TRPS1: variants seen among roughly 807,000 people sequenced by gnomAD.
TRPS1 encodes the protein zinc finger transcription factor Trps1.
A neutral mutation model predicts 101.2 loss-of-function variants in TRPS1; 6 were observed. The observed-to-expected ratio is 0.06, with a 90% confidence interval of 0.03 to 0.12. The LOEUF (loss-of-function observed/expected upper bound fraction) is 0.12, where lower values mean the gene tolerates loss of function less well. Ranked by LOEUF, TRPS1 falls within the 10% of genes least tolerant of loss-of-function variation. The pLI is 1.00. For missense variants in TRPS1, 1,363 were observed against 1,567.0 expected, an observed-to-expected ratio of 0.87 and a Z score of 2.20; for synonymous variants, 578 against 589.8, an observed-to-expected ratio of 0.98 and a Z score of 0.29.
intron 5 of TRPS1, among the ~76,000 whole-genome samples, chr8:115,437,133 T>C (rs968075524): frequency 3.3e-5 from 5 of 152,314 alleles, no homozygotes; most frequent in Middle Eastern, 3.4e-3. Flanking sequence ...TATCTACACT[T>C]CTCATGTAAC....
chr8:115,607,910 A>G (rs992427217), intron 3 of TRPS1, among the ~76,000 whole-genome samples: 2 of 152,138 alleles, frequency 1.3e-5, no homozygotes, highest in African/African-American at 4.8e-5. Flanking sequence ...AGGAGACACT[A>G]CTGGTGTCTA....
At chr8:115,565,075 C>T (rs1817035096) in intron 5 of TRPS1, among the ~76,000 whole-genome samples, 1 of 152,034 alleles carries the variant, frequency 6.6e-6, no homozygotes, top group African/African-American at 2.4e-5. Flanking sequence ...CATGTTACTG[C>T]CCCGTGGGAA....
rs192295511 is a variant in TRPS1 at position 115,444,390 on chromosome 8, C to T, written c.2701-25938G>A. 3.3e-5 allele frequency among the ~76,000 whole-genome samples: 5 copies of T among 152,296 alleles called. No homozygotes were observed. The East Asian group carries it at 5.8e-4, about 18-fold the overall frequency. On this transcript the variant is annotated intron_variant, in intron 5 of 6. Coordinates refer to ENST00000395715, the MANE Select transcript of TRPS1 (RefSeq NM_014112.5). The stretch of plus-strand genomic sequence containing the variant: ...ATAGAACAGGTGCTCAATACATTTT[C>T]GTTAAATAAATAAATGAAGAGTGAA...
chr8:115,535,983 AG>A (rs1816310035), intron 5 of TRPS1, among the ~76,000 whole-genome samples: 1 of 152,102 alleles, frequency 6.6e-6, no homozygotes, highest in African/African-American at 2.4e-5. Context: ...CACTCAAGAA[AG>A]CTACCATTTT....
intron 1 of TRPS1, among the ~76,000 whole-genome samples, chr8:115,662,393 A>G (rs1811822484): frequency 6.6e-6 from 1 of 152,064 alleles, no homozygotes. Flanking sequence ...AGTCCACGAC[A>G]AGTAACCGTA....
intron 6 of TRPS1, among the ~76,000 whole-genome samples, chr8:115,416,630 C>A (rs979510578): frequency 6.7e-6 from 1 of 149,698 alleles, no homozygotes; most frequent in African/African-American, 2.4e-5. Context: ...GTAAATTATT[C>A]CTAGAAGTGA....
intron 5 of TRPS1, among the ~76,000 whole-genome samples, chr8:115,483,221 C>T (rs1814798423): frequency 6.6e-6 from 1 of 152,090 alleles, no homozygotes; most frequent in East Asian, 1.9e-4. Flanking sequence ...ACCTTAGATT[C>T]TTTGCTTATG....
At chr8:115,516,383 C>G (rs905625234) in intron 5 of TRPS1, among the ~76,000 whole-genome samples, 8 of 151,350 alleles carry the variant, frequency 5.3e-5, no homozygotes, top group Admixed American at 4.6e-4. Context: ...AAGTTAGTAA[C>G]TTTTTAACCT....
chr8:115,515,028 T>C (rs1044124690), intron 5 of TRPS1, among the ~76,000 whole-genome samples: 5 of 151,668 alleles, frequency 3.3e-5, no homozygotes, highest in Non-Finnish European at 5.9e-5. Flanking sequence ...AAGTACATAC[T>C]TAAGATAATT....
At chr8:115,504,993 T>C (rs1304944864) in intron 5 of TRPS1, among the ~76,000 whole-genome samples, 1 of 152,116 alleles carries the variant, frequency 6.6e-6, no homozygotes, top group African/African-American at 2.4e-5. Flanking sequence ...TTCATATTCA[T>C]ATAGAGAACC....
intron 5 of TRPS1, among the ~76,000 whole-genome samples, chr8:115,458,299 T>A (rs979487339): frequency 6.6e-6 from 1 of 152,166 alleles, no homozygotes; most frequent in African/African-American, 2.4e-5. Flanking sequence ...ATGGTATATA[T>A]GAATCTAAAT....
chr8:115,585,329 T>C (rs1443788348), intron 5 of TRPS1, among the ~76,000 whole-genome samples: 2 of 152,330 alleles, frequency 1.3e-5, no homozygotes, highest in African/African-American at 4.8e-5. Context: ...CATTGCTTAA[T>C]AAATTGTCAT....
rs1447837415 is a variant in TRPS1, at chr8:115,592,353, C to T, written c.2097-4749G>A. Among the ~76,000 whole-genome samples, 4 of 152,156 alleles carry T rather than the reference C, an allele frequency of 2.6e-5. No homozygotes were observed. In the South Asian group the frequency reaches 6.2e-4, roughly 24 times the overall value. ...CAACTTAATGAATAAACTCACAAGA[C>T]ATCTCCTAACTCCCAAGGCTTTAAT... On this transcript the variant is annotated intron_variant, in intron 4 of 6. Coordinates refer to ENST00000395715, the MANE Select transcript of TRPS1 (RefSeq NM_014112.5).
chr8:115,418,275 C>G lies in TRPS1; in HGVS notation c.2823+55G>C. ...GGAATGGGACTTATCACACCACAGA[C>G]CAGGCCAACACTGCTTTATAAAGCT... is the stretch of plus-strand genomic sequence containing the variant. On this transcript the variant is annotated intron_variant, in intron 6 of 6. Coordinates refer to ENST00000395715, the MANE Select transcript of TRPS1 (RefSeq NM_014112.5). This position sits in a 1 kb window ranked among gnomAD's most constrained non-coding sequence, Gnocchi z 4.3. The G allele has an allele frequency of 1.9e-6, 3 of 1,613,624 alleles. No individual in the cohort carries two copies. Among genetic ancestry groups the G allele is most frequent in the Non-Finnish European group, 2.5e-6 (3 of 1,179,684 alleles).
intron 5 of TRPS1, among the ~76,000 whole-genome samples, chr8:115,423,575 G>C (rs540723542): frequency 1.3e-4 from 20 of 152,170 alleles, no homozygotes; most frequent in African/African-American, 4.3e-4. Flanking sequence ...CTCCCCTTTA[G>C]AGTAAACCAA....
intron 5 of TRPS1, among the ~76,000 whole-genome samples, chr8:115,586,229 A>C (rs981699360): frequency 6.6e-6 from 1 of 152,226 alleles, no homozygotes; most frequent in Admixed American, 6.5e-5. Flanking sequence ...TCGAGCAACT[A>C]TCACTTATTG....
At chr8:115,495,623 G>A (rs1266445931) in intron 5 of TRPS1, among the ~76,000 whole-genome samples, 1 of 151,514 alleles carries the variant, frequency 6.6e-6, no homozygotes, top group Non-Finnish European at 1.5e-5. Context: ...ACTAGAGGGT[G>A]ACTGCACATG....
intron 5 of TRPS1, among the ~76,000 whole-genome samples, chr8:115,554,539 C>T (rs1277610309): frequency 1.3e-5 from 2 of 152,122 alleles, no homozygotes; most frequent in African/African-American, 4.8e-5. Flanking sequence ...GCTTCATTCT[C>T]AAACTTTAAA....
At chr8:115,519,523 A>G (rs1159147265) in intron 5 of TRPS1, among the ~76,000 whole-genome samples, 1 of 151,656 alleles carries the variant, frequency 6.6e-6, no homozygotes, top group Admixed American at 6.6e-5. Flanking sequence ...TTGGATTAAA[A>G]AAATTAAGAG....
Sources: gnomAD v4.1 joint callset for allele counts (sites outside exome capture counted in the v4.1 genomes callset) on GRCh38, gnomAD v4.1.1 for gene constraint, Gnocchi (gnomAD v3.1) non-coding constraint, MANE v1.5 for transcripts, NCBI Gene and HGNC (gene_info 2026-07-23, HGNC 2026-07-21) for gene names.